The following ALDH3A2 variants were observed in gnomAD, a reference collection of about 807,000 sequenced individuals.
ALDH3A2 encodes aldehyde dehydrogenase 3 family member A2, also known as aldehyde dehydrogenase family 3 member A2.
In ALDH3A2, 36 loss-of-function variants were observed where a neutral mutation model predicts 51.3. The ratio of observed to expected loss-of-function variants is 0.70; its 90% CI spans 0.54 to 0.93. The LOEUF (loss-of-function observed/expected upper bound fraction) is 0.93. Among genes scored for constraint, ALDH3A2 ranks in the 40% least tolerant of loss-of-function variants. ALDH3A2 has a pLI of 0.00. For missense variants in ALDH3A2, 552 were observed against 603.1 expected, an observed-to-expected ratio of 0.92 and a Z score of 0.89; for synonymous variants, 199 against 219.8, an observed-to-expected ratio of 0.91 and a Z score of 0.84.
In ALDH3A2 at chr17:19,675,631, T is replaced by C; in HGVS notation, c.*59T>C. 3.9e-6 allele frequency: 6 copies of C among 1,528,650 alleles called. No homozygotes were observed. The highest frequency in any genetic ancestry group is 3.6e-6 in the Non-Finnish European group (4 of 1,102,420). The allele number at this position is 1,528,650 out of a possible 1,614,324, so 94.7% of individuals were successfully genotyped here. A position where few individuals can be genotyped will look rare whatever the true frequency, so the allele number is the denominator to read the frequency against. On this transcript the variant is annotated 3_prime_UTR_variant, in exon 10 of 10. Transcript: ENST00000176643. ...CTGAATTATTCCTCTTTTAAATGGT[T>C]AATGAACCAATAATTTTTAAATCAT...
At chr17:19,651,311 G>A (rs2084811307) in intron 1 of ALDH3A2, among the ~76,000 whole-genome samples, 1 of 152,166 alleles carries the variant, frequency 6.6e-6, no homozygotes, top group Non-Finnish European at 1.5e-5. Flanking sequence ...AATGGTATTC[G>A]ACTAGTGTTA....
At chr17:19,652,314 A>T (rs2084826775) in intron 2 of ALDH3A2, among the ~76,000 whole-genome samples, 1 of 152,170 alleles carries the variant, frequency 6.6e-6, no homozygotes, top group African/African-American at 2.4e-5. Context: ...AAGCTGGAGG[A>T]GTGGGAAAGG....
Position 19,675,784 on chromosome 17 carries a change from T to G in ALDH3A2, c.*212T>G. 1 of 606,814 alleles carries G rather than the reference T, an allele frequency of 1.6e-6. No individual in the cohort carries two copies. The highest frequency in any genetic ancestry group is 2.9e-6 in the Non-Finnish European group (1 of 343,530). The allele number at this position is 606,814 out of a possible 1,614,324, so 37.6% of individuals were successfully genotyped here. A position where few individuals can be genotyped will look rare whatever the true frequency, so the allele number is the denominator to read the frequency against. ...TCCCTAATAGGGTATTCAGGGAACC[T>G]GTCTTAAATTGTGCTTATCTAAATC... is the stretch of plus-strand genomic sequence containing the variant. On this transcript the variant is annotated 3_prime_UTR_variant, in exon 10 of 10. Transcript: ENST00000176643.
chr17:19,677,370 A>T lies in ALDH3A2; in HGVS notation c.*1798A>T, dbSNP rs745495053. On this transcript the variant is annotated 3_prime_UTR_variant, in exon 10 of 10. Coordinates refer to ENST00000176643, the MANE Select transcript of ALDH3A2 (RefSeq NM_000382.3). ...CTTAAAACTGTGGCTCTAAGAGAGTAATCATAAAATACCTTAGATAAAATT... is the reference window on the plus strand; with the variant it reads ...CTTAAAACTGTGGCTCTAAGAGAGTTATCATAAAATACCTTAGATAAAATT... 3 of 152,224 alleles carry T rather than the reference A, an allele frequency of 2.0e-5. No individual in the cohort carries two copies. Among genetic ancestry groups the T allele is most frequent in the Non-Finnish European group, 4.4e-5 (3 of 68,034 alleles). 9.4% of individuals were successfully genotyped at this position (152,224 alleles called of 1,614,324 possible). A position where few individuals can be genotyped will look rare whatever the true frequency, so the allele number is the denominator to read the frequency against.
Position 19,668,146 on chromosome 17 carries a change from T to C in ALDH3A2, c.1207+3099T>C, listed in dbSNP as rs374579787. Among the ~76,000 whole-genome samples the C allele has an allele frequency of 1.7e-4, 26 of 152,340 alleles. No homozygotes were observed. In the East Asian group the frequency reaches 4.6e-3, roughly 27 times the overall value. ...GTGTTCACATCTTCCTTATTATTGG[T>C]ATATAAATAGCCTTTTTTATAAGTA... On this transcript the variant is annotated intron_variant, in intron 8 of 9. Transcript: ENST00000176643.
At chr17:19,668,251 G>A (rs2085065713) in intron 8 of ALDH3A2, among the ~76,000 whole-genome samples, 1 of 151,836 alleles carries the variant, frequency 6.6e-6, no homozygotes, top group Non-Finnish European at 1.5e-5. Flanking sequence ...ATGATTTGAA[G>A]CGTTTATTTA....
In ALDH3A2 at chr17:19,661,433, T is replaced by G. The variant is rs1022177492; in HGVS notation, c.940+165T>G. 3.8e-5 allele frequency: 30 copies of G among 794,440 alleles called. No homozygotes were observed. The African/African-American group carries it at 4.9e-4, about 13-fold the overall frequency. 49.2% of individuals were successfully genotyped at this position (794,440 alleles called of 1,614,324 possible). A position where few individuals can be genotyped will look rare whatever the true frequency, so the allele number is the denominator to read the frequency against. On this transcript the variant is annotated intron_variant, in intron 6 of 9. Coordinates refer to ENST00000176643, the MANE Select transcript of ALDH3A2 (RefSeq NM_000382.3). The stretch of plus-strand genomic sequence containing the variant: ...ACCTGTAGCTTTTGTTATAAACTAT[T>G]TAAAATGTCTGTGTTTCTGTGTATT...
chr17:19,651,654 C>T lies in ALDH3A2; in HGVS notation c.261C>T (p.Asn87=), dbSNP rs758891042. 4.3e-6 allele frequency: 7 copies of T among 1,614,174 alleles called. No individual in the cohort carries two copies. The highest frequency in any genetic ancestry group is 1.7e-5 in the Admixed American group (1 of 60,020). Residue 87 remains asparagine (N), a synonymous_variant, in exon 2 of 10, where the codon AAC becomes AAT. Coordinates refer to ENST00000176643, the MANE Select transcript of ALDH3A2 (RefSeq NM_000382.3). The stretch of plus-strand genomic sequence containing the variant: ...TTACTGCTAAACCAGTTAAGAAGAA[C>T]GTGCTCACCATGCTGGATGAGGCCT... ...EWVTAKPVKK[N]VLTMLDEAYI... is the part of the protein sequence containing the mutation.
intron 9 of ALDH3A2, among the ~76,000 whole-genome samples, chr17:19,673,439 C>G (rs758778410): frequency 1.3e-5 from 2 of 151,376 alleles, no homozygotes; most frequent in Admixed American, 1.3e-4. Context: ...AAGAATGGGC[C>G]GGGCGCAGTG....
chr17:19,676,685 C>T lies in ALDH3A2; in HGVS notation c.*1113C>T, dbSNP rs1026901162. On this transcript the variant is annotated 3_prime_UTR_variant, in exon 10 of 10. Coordinates refer to ENST00000176643, the MANE Select transcript of ALDH3A2 (RefSeq NM_000382.3). ...AATAAAAAATACTGTAATAAAAGTA[C>T]TTATAAACATACTAATCCTCTTTCA... 1.3e-5 allele frequency: 2 copies of T among 152,156 alleles called. No individual in the cohort carries two copies. The highest frequency in any genetic ancestry group is 2.4e-5 in the African/African-American group (1 of 41,440). 9.4% of individuals were successfully genotyped at this position (152,156 alleles called of 1,614,324 possible). A position where few individuals can be genotyped will look rare whatever the true frequency, so the allele number is the denominator to read the frequency against.
Position 19,675,634 on chromosome 17 carries a change from T to C in ALDH3A2, c.*62T>C, listed in dbSNP as rs1261679419. 6.6e-7 allele frequency: 1 copy of C among 1,524,074 alleles called. No homozygotes were observed. The highest frequency in any genetic ancestry group is 1.1e-5 in the South Asian group (1 of 88,948). The allele number at this position is 1,524,074 out of a possible 1,614,324, so 94.4% of individuals were successfully genotyped here. A position where few individuals can be genotyped will look rare whatever the true frequency, so the allele number is the denominator to read the frequency against. ...AATTATTCCTCTTTTAAATGGTTAA[T>C]GAACCAATAATTTTTAAATCATACC... On this transcript the variant is annotated 3_prime_UTR_variant, in exon 10 of 10. Transcript: ENST00000176643.
At chr17:19,662,090 T>G (rs1306374237) in intron 6 of ALDH3A2, 1 of 152,070 alleles carries the variant, frequency 6.6e-6, no homozygotes. Context: ...GGAATACATC[T>G]GTAGAAAAAA....
At chr17:19,667,174 C>A (rs1196455577) in intron 8 of ALDH3A2, among the ~76,000 whole-genome samples, 2 of 152,148 alleles carry the variant, frequency 1.3e-5, no homozygotes, top group Non-Finnish European at 2.9e-5. Context: ...AGGTATCATA[C>A]TATATATTGT....
In ALDH3A2 at chr17:19,657,872, A is replaced by T; in HGVS notation, c.798+10A>T. 2 of 1,561,198 alleles carry T rather than the reference A, an allele frequency of 1.3e-6. No homozygotes were observed. Among genetic ancestry groups the T allele is most frequent in the South Asian group, 2.2e-5 (2 of 89,904 alleles). On this transcript the variant is annotated intron_variant, in intron 5 of 9. Coordinates refer to ENST00000176643, the MANE Select transcript of ALDH3A2 (RefSeq NM_000382.3). ...TAAGGAAACAGTGAAGGTTTGTATT[A>T]AAAACATCTGATTCCACTGATTTTA...
At chr17:19,657,505 G>A (rs762781921) in intron 4 of ALDH3A2, among the ~76,000 whole-genome samples, 3 of 152,228 alleles carry the variant, frequency 2.0e-5, no homozygotes, top group Non-Finnish European at 4.4e-5. Context: ...ACCAAGTACT[G>A]TTTGCCGTGA....
chr17:19,651,833 T>C (rs2084820570), intron 2 of ALDH3A2, 55 bp downstream of exon 2: 4 of 1,497,446 alleles, frequency 2.7e-6, no homozygotes, highest in Non-Finnish European at 3.7e-6. Flanking sequence ...TTTTCTCATA[T>C]TAATTGGAAA....
At position 19,663,204 on chromosome 17, in the gene ALDH3A2, T is replaced by G. The variant is rs572048739; in HGVS notation, c.941-129T>G. ...GCACAGTTCATCCACGTGCTCAGGA[T>G]TTTTCAATAGATATGACTTGGGTGG... On this transcript the variant is annotated intron_variant, in intron 6 of 9. Coordinates refer to ENST00000176643, the MANE Select transcript of ALDH3A2 (RefSeq NM_000382.3). 4.8e-5 allele frequency: 52 copies of G among 1,092,964 alleles called. 2 individuals carry two copies. In the East Asian group the frequency reaches 1.2e-3, roughly 26 times the overall value. 67.7% of individuals were successfully genotyped at this position (1,092,964 alleles called of 1,614,324 possible).
At position 19,669,732 on chromosome 17, in the gene ALDH3A2, T is replaced by G. The variant is rs528996463; in HGVS notation, c.1208-1989T>G. 9.2e-5 allele frequency among the ~76,000 whole-genome samples: 14 copies of G among 152,164 alleles called. No individual in the cohort carries two copies. In the South Asian group the frequency reaches 1.7e-3, roughly 18 times the overall value. On this transcript the variant is annotated intron_variant, in intron 8 of 9. Transcript: ENST00000176643. ...TCATTGCAGCCTCAACCTCTTAGGCTCAAACAATCTTCCCGCCTCAGCCTC... is the reference window on the plus strand; with the variant it reads ...TCATTGCAGCCTCAACCTCTTAGGCGCAAACAATCTTCCCGCCTCAGCCTC...
chr17:19,649,164 C>G (rs1800870), intron 1 of ALDH3A2, 40 bp downstream of exon 1: 3 of 1,537,870 alleles, frequency 2.0e-6, no homozygotes, highest in East Asian at 2.5e-5. Context: ...AACTGGCCCC[C>G]GCCGCGCACT....
Sources: allele counts gnomAD v4.1 joint callset (sites outside exome capture counted in the v4.1 genomes callset), GRCh38; gene constraint gnomAD v4.1.1; transcripts MANE v1.5; gene names NCBI Gene and HGNC (gene_info 2026-07-23, HGNC 2026-07-21).